DMD: variants seen among roughly 807,000 people sequenced by gnomAD.
The protein encoded by DMD is dystrophin.
In DMD, 63 loss-of-function variants were observed where a neutral mutation model predicts 330.1. The ratio of observed to expected loss-of-function variants is 0.19; its 90% confidence interval spans 0.16 to 0.24. The LOEUF (loss-of-function observed/expected upper bound fraction) is 0.24. Ranked by LOEUF, DMD falls within the 10% of genes least tolerant of loss-of-function variation. The probability of loss-of-function intolerance (pLI) is 1.00; values close to 1 mark genes in which losing one functional copy is unlikely to be tolerated. For missense variants in DMD, 3,344 were observed against 2,684.1 expected (o/e 1.25, Z -5.43); for synonymous variants, 1,223 against 959.8 (o/e 1.27, Z -5.07).
chrX:32,990,368 C>T (rs947425783), intron 2 of DMD, among the ~76,000 whole-genome samples: 2 of 111,475 alleles, frequency 1.8e-5, no homozygotes, highest in Non-Finnish European at 3.8e-5. Context: ...AAGAAGACAC[C>T]GTTATCAACT....
intron 47 of DMD, among the ~76,000 whole-genome samples, chrX:31,924,483 T>C (rs1410687340): frequency 3.6e-5 from 4 of 112,238 alleles, no homozygotes; most frequent in Admixed American, 1.9e-4. Context: ...TAGAGATTAA[T>C]ACAAAATGAA....
At chrX:33,223,185 C>T (rs748546746) in intron 1 of DMD, among the ~76,000 whole-genome samples, 1 of 111,428 alleles carries the variant, frequency 9.0e-6, no homozygotes, top group Admixed American at 9.6e-5. Flanking sequence ...GTGGCACACG[C>T]CTGTAATCCC....
intron 44 of DMD, among the ~76,000 whole-genome samples, chrX:32,130,926 C>T (rs758585354): frequency 2.3e-4 from 26 of 111,874 alleles, no homozygotes; most frequent in African/African-American, 7.2e-4. Context: ...GGCTCATGCC[C>T]GTAATCCCAG....
intron 43 of DMD, among the ~76,000 whole-genome samples, chrX:32,245,264 A>T (rs1273649906): frequency 2.5e-5 from 2 of 81,319 alleles, no homozygotes; most frequent in Non-Finnish European, 4.6e-5. Flanking sequence ...CAAAGATCAG[A>T]TAGTTGTAGG....
intron 48 of DMD, among the ~76,000 whole-genome samples, chrX:31,867,523 A>AT: frequency 9.0e-6 from 1 of 110,813 alleles, no homozygotes; most frequent in Non-Finnish European, 1.9e-5. Flanking sequence ...CTTAAATAAA[A>AT]TTTTTTTTAA....
intron 7 of DMD, among the ~76,000 whole-genome samples, chrX:32,738,434 G>A (rs1323265895): frequency 9.0e-6 from 1 of 111,518 alleles, no homozygotes; most frequent in African/African-American, 3.3e-5. Flanking sequence ...CTCCTCAACA[G>A]TTTGCTTCTA....
chrX:32,515,255 A>G (rs945832625), intron 18 of DMD, among the ~76,000 whole-genome samples: 5 of 111,714 alleles, frequency 4.5e-5, no homozygotes. Context: ...AGAAAGTGCA[A>G]TAGAGCAGAG....
intron 7 of DMD, among the ~76,000 whole-genome samples, chrX:32,702,430 G>A (rs947526202): frequency 2.7e-5 from 3 of 111,424 alleles, no homozygotes; most frequent in Non-Finnish European, 5.7e-5. Context: ...GGACACATTA[G>A]CGATGTCTTG....
chrX:31,400,469 C>A (rs190140290), intron 60 of DMD, among the ~76,000 whole-genome samples: 277 of 111,467 alleles, frequency 2.5e-3, no homozygotes, highest in Non-Finnish European at 4.5e-3. Flanking sequence ...GTCGTTAGAA[C>A]CTCCTGAGGC....
At chrX:32,788,639 C>CCAG (rs2075589539) in intron 7 of DMD, among the ~76,000 whole-genome samples, 1 of 111,978 alleles carries the variant, frequency 8.9e-6, no homozygotes, top group African/African-American at 3.2e-5. Context: ...GTAAAAGTTG[C>CCAG]ATATCTGGCT....
chrX:32,340,737 G>A (rs1009465867), intron 41 of DMD, among the ~76,000 whole-genome samples: 2 of 111,549 alleles, frequency 1.8e-5, no homozygotes, highest in African/African-American at 3.3e-5. Flanking sequence ...TTAATCTTTC[G>A]CTTCATTTTG....
At chrX:31,217,824 A>C (rs913629633) in intron 64 of DMD, among the ~76,000 whole-genome samples, 4 of 112,438 alleles carry the variant, frequency 3.6e-5, no homozygotes, top group African/African-American at 1.3e-4. Context: ...CCTAGCATTA[A>C]TGAGAATTCA....
At chrX:31,987,335 G>A (rs1045244079) in intron 44 of DMD, among the ~76,000 whole-genome samples, 10 of 111,301 alleles carry the variant, frequency 9.0e-5, no homozygotes, top group African/African-American at 3.3e-4. Flanking sequence ...TTTGAGATAC[G>A]CAATACCTTA....
At chrX:32,068,987 C>T (rs1234837169) in intron 44 of DMD, among the ~76,000 whole-genome samples, 1 of 111,692 alleles carries the variant, frequency 9.0e-6, no homozygotes, top group Non-Finnish European at 1.9e-5. Flanking sequence ...TCATTTGGCC[C>T]TTCTGTAACA....
chrX:31,924,723 C>A (rs1228310780), intron 47 of DMD, among the ~76,000 whole-genome samples: 1 of 111,857 alleles, frequency 8.9e-6, no homozygotes, highest in Non-Finnish European at 1.9e-5. Context: ...ATGCACTTAA[C>A]TAAAATTCAC....
chrX:31,138,952 CTTTTCACTT>C (rs1296159895), intron 76 of DMD, among the ~76,000 whole-genome samples: 1 of 111,993 alleles, frequency 8.9e-6, no homozygotes, highest in African/African-American at 3.3e-5. Flanking sequence ...ACAAAAACAC[CTTTTCACTT>C]TTTTCACTTA....
At chrX:33,178,292 A>G (rs2049783438) in intron 1 of DMD, among the ~76,000 whole-genome samples, 2 of 112,086 alleles carry the variant, frequency 1.8e-5, no homozygotes, top group Admixed American at 1.9e-4. Context: ...TCCAGCAGCC[A>G]TTTTAGACAA....
intron 53 of DMD, among the ~76,000 whole-genome samples, chrX:31,671,903 AT>A (rs1175940795): frequency 1.1e-4 from 12 of 109,733 alleles, no homozygotes; most frequent in Non-Finnish European, 2.1e-4. Context: ...CCTCTATCTG[AT>A]TTTTTTCACA....
chrX:33,115,903 T>A (rs1432298634), intron 1 of DMD, among the ~76,000 whole-genome samples: 10 of 110,657 alleles, frequency 9.0e-5, no homozygotes, highest in Non-Finnish European at 1.9e-4. Flanking sequence ...GATTCAAAAA[T>A]GCAGAGCTGG....
Sources: allele counts gnomAD v4.1 joint callset (sites outside exome capture counted in the v4.1 genomes callset), GRCh38; gene constraint gnomAD v4.1.1; transcripts MANE v1.5; gene names NCBI Gene and HGNC (gene_info 2026-07-23, HGNC 2026-07-21).